LGMN: variants seen among roughly 807,000 people sequenced by gnomAD.
LGMN encodes legumain, also known as asparaginyl endopeptidase.
In LGMN, 36 loss-of-function variants were observed where a neutral mutation model predicts 56.8. The ratio of observed to expected loss-of-function variants is 0.63; its 90% CI spans 0.49 to 0.84. The LOEUF is 0.84. Among genes scored for constraint, LGMN ranks in the 40% least tolerant of loss-of-function variants. The probability of loss-of-function intolerance (pLI) is 0.00; values close to 1 mark genes in which losing one functional copy is unlikely to be tolerated. For missense variants in LGMN, 446 were observed against 556.1 expected, an observed-to-expected ratio of 0.80 and a Z score of 1.99; for synonymous variants, 199 against 210.1, an observed-to-expected ratio of 0.95 and a Z score of 0.46.
chr14:92,726,744 ACTGTCCTTGCATGCC>A (rs1423124271), intron 2 of LGMN, among the ~76,000 whole-genome samples: 1 of 151,904 alleles, frequency 6.6e-6, no homozygotes, highest in South Asian at 2.1e-4. Flanking sequence ...TGGGCCATGC[ACTGTCCTTGCATGCC>A]CTGTGGCCAC....
At chr14:92,722,958 T>G (rs58522170) in intron 2 of LGMN, among the ~76,000 whole-genome samples, 18,816 of 152,180 alleles carry the variant, frequency 0.12, 1,777 homozygotes, top group East Asian at 0.28. Flanking sequence ...ACTGCTATGG[T>G]AATGTAAAGT....
In LGMN at chr14:92,704,607, C is replaced by A. The variant is rs200673278; in HGVS notation, c.1259+33G>T. On this transcript the variant is annotated intron_variant, in intron 13 of 13. Transcript: ENST00000334869. ...GCCCCTTCTGCTTTCAGAATGACAT[C>A]GACCTTTCAAGCGTCACCGCTGCAT... The A allele has an allele frequency of 3.1e-5, 49 of 1,566,872 alleles. No homozygotes were observed. In the East Asian group the frequency reaches 1.1e-3, roughly 34 times the overall value.
intron 1 of LGMN, among the ~76,000 whole-genome samples, chr14:92,740,341 C>T (rs955083371): frequency 6.6e-6 from 1 of 152,198 alleles, no homozygotes; most frequent in African/African-American, 2.4e-5. Context: ...CTACTATGGA[C>T]CACACAACGT....
Position 92,704,188 on chromosome 14 carries a change from G to T in LGMN, c.*131C>A. ...GTCATCTTGTGAAGAAGGTCCTGGA[G>T]CGAGCCCTGGAGCGGGGGCTCCCCA... On this transcript the variant is annotated 3_prime_UTR_variant, in exon 14 of 14. Coordinates refer to ENST00000334869, the MANE Select transcript of LGMN (RefSeq NM_005606.7). The T allele has an allele frequency of 9.0e-7, 1 of 1,114,616 alleles. No individual in the cohort carries two copies. Among genetic ancestry groups the T allele is most frequent in the Non-Finnish European group, 1.4e-6 (1 of 739,336 alleles). 69.0% of individuals were successfully genotyped at this position (1,114,616 alleles called of 1,614,324 possible).
intron 2 of LGMN, among the ~76,000 whole-genome samples, chr14:92,730,805 C>G (rs1891011910): frequency 6.6e-6 from 1 of 151,820 alleles, no homozygotes; most frequent in Admixed American, 6.6e-5. Context: ...TTAGCTGGAC[C>G]TGTAATATCA....
chr14:92,733,926 G>C (rs1046708181), intron 1 of LGMN: 1 of 152,204 alleles, frequency 6.6e-6, no homozygotes, highest in Non-Finnish European at 1.5e-5. Flanking sequence ...GTTATTGGTA[G>C]GTGGTTGGCA....
Position 92,709,880 on chromosome 14 carries a change from G to A in LGMN, c.820-8C>T, listed in dbSNP as rs1889662267. The A allele has an allele frequency of 6.3e-7, 1 of 1,592,394 alleles. No individual in the cohort carries two copies. The highest frequency in any genetic ancestry group is 8.6e-7 in the Non-Finnish European group (1 of 1,166,598). On this transcript the variant is annotated splice_region_variant and splice_polypyrimidine_tract_variant and intron_variant, in intron 10 of 13. Coordinates refer to ENST00000334869, the MANE Select transcript of LGMN (RefSeq NM_005606.7). ...TTTCATGGTGGAGATTGTCTGGGGA[G>A]ACAGACAGCAAGAGAGAGCGAGAGA... is the stretch of plus-strand genomic sequence containing the variant.
In LGMN at chr14:92,748,595, C is replaced by G. The variant is rs1372764524; in HGVS notation, c.-136G>C. 4 of 153,520 alleles carry G rather than the reference C, an allele frequency of 2.6e-5. No individual in the cohort carries two copies. The South Asian group carries it at 5.3e-4, about 20-fold the overall frequency. The allele number at this position is 153,520 out of a possible 1,614,324, so 9.5% of individuals were successfully genotyped here. On this transcript the variant is annotated 5_prime_UTR_variant, in exon 1 of 14. Transcript: ENST00000334869. ...ACTCGCGGCGGCTCGCAGCCTCACA[C>G]CAAACACCCACGACGTCGGCACTGC... is the stretch of plus-strand genomic sequence containing the variant.
chr14:92,709,762 C>T lies in LGMN; in HGVS notation c.930G>A (p.Val310=). The change falls in exon 11 of 14, where the codon GTG becomes GTA. Residue 310 remains valine, a synonymous_variant. Coordinates refer to ENST00000334869, the MANE Select transcript of LGMN (RefSeq NM_005606.7). ...THLDLTPSPD[V]PLTIMKRKLM... ...GTTTCCTTTTCATGATGGTGAGAGGCACATCAGGGCTGGGGGTGAGGTCAA... is the reference window on the plus strand; with the variant it reads ...GTTTCCTTTTCATGATGGTGAGAGGTACATCAGGGCTGGGGGTGAGGTCAA... 2 of 1,614,044 alleles carry T rather than the reference C, an allele frequency of 1.2e-6. No individual in the cohort carries two copies. Among genetic ancestry groups the T allele is most frequent in the Non-Finnish European group, 1.7e-6 (2 of 1,179,954 alleles).
intron 1 of LGMN, among the ~76,000 whole-genome samples, chr14:92,746,638 A>T (rs946766807): frequency 6.6e-6 from 1 of 152,200 alleles, no homozygotes; most frequent in Non-Finnish European, 1.5e-5. Context: ...TGAGATACAG[A>T]TCTACAGTAA....
At chr14:92,713,234 T>G (rs528174740) in intron 7 of LGMN, among the ~76,000 whole-genome samples, 17 of 152,130 alleles carry the variant, frequency 1.1e-4, no homozygotes, top group African/African-American at 2.9e-4. Flanking sequence ...TGCAGGTTTT[T>G]TTTTGTTTTG....
intron 3 of LGMN, among the ~76,000 whole-genome samples, chr14:92,718,327 AT>A (rs561901481): frequency 9.9e-5 from 15 of 152,270 alleles, no homozygotes; most frequent in African/African-American, 3.6e-4. Flanking sequence ...TAATCCCAGC[AT>A]TTTGGGAGGC....
chr14:92,719,339 T>TGCCGCCGCCGC (rs1595541582), intron 2 of LGMN, among the ~76,000 whole-genome samples: 1 of 66,568 alleles, frequency 1.5e-5, no homozygotes, highest in African/African-American at 6.7e-5. Flanking sequence ...GCCACCGCCA[T>TGCCGCCGCCGC]CACCGCCACC....
At chr14:92,747,456 C>G (rs1321244210) in intron 1 of LGMN, among the ~76,000 whole-genome samples, 2 of 152,178 alleles carry the variant, frequency 1.3e-5, no homozygotes, top group Non-Finnish European at 1.5e-5. Context: ...CACCACTGCA[C>G]TCCAGCCTGG....
At chr14:92,728,319 G>A (rs192938867) in intron 2 of LGMN, among the ~76,000 whole-genome samples, 3 of 152,180 alleles carry the variant, frequency 2.0e-5, no homozygotes, top group South Asian at 2.1e-4. Context: ...TAGGGTTCAC[G>A]CTCCTATTAG....
At chr14:92,719,234 C>A (rs1890267440) in intron 2 of LGMN, among the ~76,000 whole-genome samples, 1 of 50,786 alleles carries the variant, frequency 2.0e-5, no homozygotes, top group Non-Finnish European at 3.4e-5. Flanking sequence ...ACCACCGCCA[C>A]CGCCACCACC....
At chr14:92,743,032 A>T (rs1891634422) in intron 1 of LGMN, 1 of 152,046 alleles carries the variant, frequency 6.6e-6, no homozygotes, top group South Asian at 2.1e-4. Flanking sequence ...CTCAAAAAAA[A>T]AAAAAAAAAA....
In LGMN at chr14:92,703,960, A is replaced by G; in HGVS notation, c.*359T>C. The G allele has an allele frequency of 1.7e-6, 1 of 583,310 alleles. No individual in the cohort carries two copies. Among genetic ancestry groups the G allele is most frequent in the South Asian group, 2.1e-5 (1 of 48,636 alleles). The allele number at this position is 583,310 out of a possible 1,614,324, so 36.1% of individuals were successfully genotyped here. ...ATAAAATCATTCTGAAGATTTAAAG[A>G]GGTTTCAGCTTCAAATTCTCAGAAT... On this transcript the variant is annotated 3_prime_UTR_variant, in exon 14 of 14. Transcript: ENST00000334869.
At chr14:92,747,646 G>A (rs1317657724) in intron 1 of LGMN, among the ~76,000 whole-genome samples, 1 of 152,162 alleles carries the variant, frequency 6.6e-6, no homozygotes, top group Non-Finnish European at 1.5e-5. Flanking sequence ...CTGTTCACTA[G>A]AGATTGTCTC....
Sources: gnomAD v4.1 joint callset for allele counts (sites outside exome capture counted in the v4.1 genomes callset) on GRCh38, gnomAD v4.1.1 for gene constraint, MANE v1.5 for transcripts, NCBI Gene and HGNC (gene_info 2026-07-23, HGNC 2026-07-21) for gene names.